The following FRAS1 variants were observed in gnomAD, a reference collection of about 807,000 sequenced individuals.
The protein encoded by FRAS1 is Fraser extracellular matrix complex subunit 1.
In FRAS1, 290 loss-of-function variants were observed where a neutral mutation model predicts 435.2. The ratio of observed to expected loss-of-function variants is 0.67; its 90% CI spans 0.61 to 0.73. FRAS1 has a LOEUF of 0.73. Ranked by LOEUF, FRAS1 falls within the 30% of genes least tolerant of loss-of-function variation. The pLI, the probability that FRAS1 is intolerant of heterozygous loss-of-function variation, is 0.00. For synonymous variants in FRAS1, 1,800 were observed against 1,851.0 expected (o/e 0.97, Z 0.71); for missense variants, 4,860 against 5,001.5 (o/e 0.97, Z 0.85).
At chr4:78,156,567 G>A (rs2110018287) in intron 2 of FRAS1, among the ~76,000 whole-genome samples, 1 of 152,154 alleles carries the variant, frequency 6.6e-6, no homozygotes, top group South Asian at 2.1e-4. Flanking sequence ...TTTTAGTTGT[G>A]AGTACTCGAA....
intron 2 of FRAS1, among the ~76,000 whole-genome samples, chr4:78,199,962 T>C (rs1214966879): frequency 6.6e-6 from 1 of 152,218 alleles, no homozygotes. Context: ...ACTTGTACTT[T>C]ATTTGGGATT....
intron 1 of FRAS1, among the ~76,000 whole-genome samples, chr4:78,059,168 G>C (rs895079099): frequency 1.3e-5 from 2 of 152,180 alleles, no homozygotes; most frequent in Non-Finnish European, 2.9e-5. Flanking sequence ...GCCTAGGAAG[G>C]GGCGCGGGGC....
intron 2 of FRAS1, among the ~76,000 whole-genome samples, chr4:78,176,889 A>G (rs890856930): frequency 1.3e-5 from 2 of 152,214 alleles, no homozygotes; most frequent in African/African-American, 4.8e-5. Context: ...ACTCACATCA[A>G]TGGGTACTAC....
chr4:78,255,455 G>C, intron 6 of FRAS1, 80 bp downstream of exon 6: 1 of 1,368,554 alleles, frequency 7.3e-7, no homozygotes, highest in Non-Finnish European at 9.8e-7. Flanking sequence ...TGGCAGGCAG[G>C]CCTCAGAAGC....
intron 5 of FRAS1, among the ~76,000 whole-genome samples, chr4:78,254,212 G>A (rs529806708): frequency 1.8e-3 from 269 of 152,148 alleles, no homozygotes; most frequent in Middle Eastern, 0.01. Context: ...AGTGTATACC[G>A]TATAATAAAT....
At chr4:78,228,403 C>T (rs2110104112) in intron 2 of FRAS1, among the ~76,000 whole-genome samples, 1 of 152,304 alleles carries the variant, frequency 6.6e-6, no homozygotes, top group East Asian at 1.9e-4. Flanking sequence ...TTAGATCAGG[C>T]TCTCACTATT....
At position 78,234,847 on chromosome 4, in the gene FRAS1, G is replaced by A. The variant is rs368240252; in HGVS notation, c.109-2663G>A. On this transcript the variant is annotated intron_variant, in intron 2 of 73. Transcript: ENST00000512123. The stretch of plus-strand genomic sequence containing the variant: ...TTTATTTTTTGCTTGGAAATGTTGT[G>A]TATATATCCATGTAAATCTACACCA... 9.2e-5 allele frequency among the ~76,000 whole-genome samples: 14 copies of A among 151,646 alleles called. 1 individual carries two copies. Among genetic ancestry groups the A allele is most frequent in the African/African-American group, 2.9e-4 (12 of 41,274 alleles).
At chr4:78,371,003 A>C (rs948859676) in intron 23 of FRAS1, among the ~76,000 whole-genome samples, 6 of 151,492 alleles carry the variant, frequency 4.0e-5, no homozygotes, top group African/African-American at 1.5e-4. Context: ...GCAAAATTGC[A>C]CACTTTCCAT....
intron 2 of FRAS1, among the ~76,000 whole-genome samples, chr4:78,163,351 G>A (rs1207631316): frequency 6.6e-6 from 1 of 151,920 alleles, no homozygotes. Context: ...AAAAGTCTCT[G>A]TAATATTTCT....
chr4:78,526,013 T>C (rs899503755), intron 69 of FRAS1, among the ~76,000 whole-genome samples: 8 of 152,196 alleles, frequency 5.3e-5, no homozygotes, highest in Non-Finnish European at 7.3e-5. Flanking sequence ...GTGCAGGGAC[T>C]TTCTGCAGGG....
chr4:78,219,033 C>G (rs1485913053), intron 2 of FRAS1, among the ~76,000 whole-genome samples: 2 of 152,152 alleles, frequency 1.3e-5, no homozygotes, highest in African/African-American at 4.8e-5. Flanking sequence ...GATTTCAGCT[C>G]CAGTATAATT....
chr4:78,513,277 GAA>G, intron 64 of FRAS1, 113 bp from the exon 65 acceptor site: 1 of 1,001,582 alleles, frequency 1.0e-6, no homozygotes, highest in Non-Finnish European at 1.5e-6. Context: ...GCTTCAGGAA[GAA>G]AAAAAAATGG....
chr4:78,522,880 T>TCC, intron 69 of FRAS1, 72 bp downstream of exon 69: 1 of 1,310,392 alleles, frequency 7.6e-7, no homozygotes, highest in Non-Finnish European at 1.0e-6. Context: ...GCTTGGGAAA[T>TCC]AGTGCTTTCC....
chr4:78,428,960 G>A, intron 35 of FRAS1, 135 bp from the exon 36 acceptor site: 1 of 780,942 alleles, frequency 1.3e-6, no homozygotes, highest in East Asian at 2.8e-5. Context: ...TTAAAGTAGT[G>A]CAAAAAAGTT....
chr4:78,387,642 C>G lies in FRAS1; in HGVS notation c.3916C>G (p.Gln1306Glu), dbSNP rs777308687. Residue 1306 changes from glutamine (Q) to glutamate (E), a missense_variant, in exon 29 of 74, where the codon CAG (glutamine) becomes GAG (glutamate). Gln to Glu is a conservative substitution (Grantham distance 29). Transcript: ENST00000512123. ...CAGCACATCCGATGTTGCAGTCTTG[C>G]AGGCCAATGATGGACACTCCTTCCA... Reference protein sequence around the residue: ...SDSTSDVAVLQANDGHSFHNI... With the variant: ...SDSTSDVAVLEANDGHSFHNI... 1 of 1,604,514 alleles carries G rather than the reference C, an allele frequency of 6.2e-7. No individual in the cohort carries two copies. Among genetic ancestry groups the G allele is most frequent in the African/African-American group, 1.3e-5 (1 of 74,804 alleles).
chr4:78,436,240 G>T (rs530022584), intron 38 of FRAS1, among the ~76,000 whole-genome samples: 16 of 152,266 alleles, frequency 1.1e-4, no homozygotes, highest in Admixed American at 6.5e-4. Flanking sequence ...AGGAACCCGG[G>T]TGGTCAATAA....
chr4:78,445,522 G>A lies in FRAS1; in HGVS notation c.5666G>A (p.Gly1889Asp). 1 of 1,564,740 alleles carries A rather than the reference G, an allele frequency of 6.4e-7. No individual in the cohort carries two copies. Among genetic ancestry groups the A allele is most frequent in the Non-Finnish European group, 8.7e-7 (1 of 1,151,900 alleles). Residue 1889 changes from glycine (G) to aspartate (D), a missense_variant and splice_region_variant, in exon 42 of 74, where the codon GGT becomes GAT. Coordinates refer to ENST00000512123, the MANE Select transcript of FRAS1 (RefSeq NM_025074.7). ...AAATGCTCTCTTGATGTTGATGCAG[G>A]TGATCGTTTTGGCCCTGAAACTGCC... ...KYGCIENTGT[G>D]DRFGPETASD... is the part of the protein sequence containing the mutation.
chr4:78,260,912 C>G (rs1448494631), intron 6 of FRAS1, among the ~76,000 whole-genome samples: 6 of 152,072 alleles, frequency 3.9e-5, no homozygotes, highest in Non-Finnish European at 8.8e-5. Context: ...ATATTTTTGT[C>G]TGGAATATTA....
chr4:78,278,517 T>C, intron 9 of FRAS1, 138 bp from the exon 10 acceptor site: 1 of 618,826 alleles, frequency 1.6e-6, no homozygotes, highest in South Asian at 1.9e-5. Context: ...CAGGGGGAGA[T>C]GAAACAGGCA....
Sources: allele counts gnomAD v4.1 joint callset (sites outside exome capture counted in the v4.1 genomes callset), GRCh38; gene constraint gnomAD v4.1.1; transcripts MANE v1.5; gene names NCBI Gene and HGNC (gene_info 2026-07-23, HGNC 2026-07-21).